HMGXB4: variants seen among roughly 807,000 people sequenced by gnomAD.
The protein encoded by HMGXB4 is HMG domain-containing protein 4.
HMGXB4 carries 27 observed loss-of-function variants against 63.9 expected under a neutral mutation model. The ratio of observed to expected loss-of-function variants is 0.42; its 90% confidence interval spans 0.31 to 0.58. The LOEUF is 0.58. Among genes scored for constraint, HMGXB4 ranks in the 20% least tolerant of loss-of-function variants. The pLI, the probability that HMGXB4 is intolerant of heterozygous loss-of-function variation, is 0.13. For missense variants in HMGXB4, 624 were observed against 700.7 expected (o/e 0.89, Z 1.24); for synonymous variants, 264 against 265.3 (o/e 0.99, Z 0.05).
intron 4 of HMGXB4, 33 bp from the exon 5 acceptor site, chr22:35,264,615 C>G (rs1923070325): frequency 6.8e-7 from 1 of 1,468,256 alleles, no homozygotes; most frequent in Non-Finnish European, 9.2e-7. Flanking sequence ...TGCTTCCCAT[C>G]ATATTGACAG....
intron 10 of HMGXB4, 150 bp from the exon 11 acceptor site, chr22:35,293,457 A>C: frequency 1.6e-6 from 1 of 625,320 alleles, no homozygotes. Context: ...AAAAGTTCCT[A>C]GCATAACAAA....
At chr22:35,262,842 A>G (rs181553597) in intron 2 of HMGXB4, 4 of 559,746 alleles carry the variant, frequency 7.1e-6, no homozygotes, top group East Asian at 3.1e-5. Context: ...GAGGTTGCAC[A>G]TGGGGCCTTT....
intron 1 of HMGXB4, among the ~76,000 whole-genome samples, chr22:35,260,200 T>C (rs1398256596): frequency 6.6e-6 from 1 of 152,230 alleles, no homozygotes; most frequent in African/African-American, 2.4e-5. Flanking sequence ...ATTTATGACA[T>C]TGAATATTTA....
At chr22:35,253,111 G>A (rs553371695), upstream of HMGXB4, among the ~76,000 whole-genome samples, 4 of 102,456 alleles carry the variant, frequency 3.9e-5, no homozygotes, top group South Asian at 8.6e-4. Context: ...CAGCCTGGGC[G>A]ACAAGAGCAA....
chr22:35,269,985 GAGA>G (rs1237479890), intron 5 of HMGXB4, among the ~76,000 whole-genome samples: 2 of 151,304 alleles, frequency 1.3e-5, no homozygotes, highest in Admixed American at 6.6e-5. Flanking sequence ...CTCTTTTAAA[GAGA>G]AGAAGAAAAA....
In HMGXB4 at chr22:35,283,985, C is replaced by T; in HGVS notation, c.1239C>T (p.Ala413=). ...GEKPKKKNMS[A]YQVFCKEYRV... is the part of the protein sequence containing the mutation. ...AGCCAAAAAAGAAGAACATGTCGGC[C>T]TACCAGGTGTTCTGTAAAGAGTATC... is the stretch of plus-strand genomic sequence containing the variant. Residue 413 remains alanine, a synonymous_variant, in exon 6 of 11, where the codon GCC becomes GCT. Coordinates refer to ENST00000216106, the MANE Select transcript of HMGXB4 (RefSeq NM_001003681.3). The T allele has an allele frequency of 6.2e-7, 1 of 1,613,988 alleles. No individual in the cohort carries two copies. The highest frequency in any genetic ancestry group is 8.5e-7 in the Non-Finnish European group (1 of 1,179,848).
intron 5 of HMGXB4, among the ~76,000 whole-genome samples, chr22:35,282,715 G>C (rs1924344281): frequency 6.6e-6 from 1 of 152,144 alleles, no homozygotes. Flanking sequence ...CCTGGGTTGT[G>C]GTTATAACTG....
chr22:35,262,830 C>T (rs939523354), intron 2 of HMGXB4: 3 of 548,226 alleles, frequency 5.5e-6, no homozygotes, highest in Admixed American at 3.5e-5. Flanking sequence ...GAAACCATAT[C>T]TGAGGTTGCA....
chr22:35,257,989 A>T (rs1044375713), intron 1 of HMGXB4: 1 of 151,932 alleles, frequency 6.6e-6, no homozygotes, highest in Non-Finnish European at 1.5e-5. Flanking sequence ...TCGGGCTGTC[A>T]GGGGGAAAGG....
At chr22:35,288,580 A>G (rs897112781) in intron 9 of HMGXB4, among the ~76,000 whole-genome samples, 173 bp downstream of exon 9, 5 of 152,332 alleles carry the variant, frequency 3.3e-5, no homozygotes, top group South Asian at 2.1e-4. Context: ...AGAAATATCT[A>G]TAGAGATATT....
intron 5 of HMGXB4, among the ~76,000 whole-genome samples, chr22:35,274,488 ATGT>A (rs1465297718): frequency 6.6e-6 from 1 of 152,210 alleles, no homozygotes; most frequent in Non-Finnish European, 1.5e-5. Flanking sequence ...AGTTCCTCGT[ATGT>A]TCTAGGCACT....
chr22:35,290,630 C>CA (rs767279436), intron 9 of HMGXB4, among the ~76,000 whole-genome samples: 4,413 of 50,852 alleles, frequency 0.087, 275 homozygotes, highest in East Asian at 0.24. Flanking sequence ...GACTCCGCCT[C>CA]AAAAAAAAAA....
chr22:35,281,330 T>C (rs1447874163), intron 5 of HMGXB4, among the ~76,000 whole-genome samples: 3 of 152,202 alleles, frequency 2.0e-5, no homozygotes, highest in Non-Finnish European at 4.4e-5. Flanking sequence ...AGATCTAGGC[T>C]TCAAAAGCTT....
chr22:35,258,276 A>C (rs1922587298), intron 1 of HMGXB4: 1 of 151,946 alleles, frequency 6.6e-6, no homozygotes, highest in African/African-American at 2.4e-5. Context: ...TTTTCCCTCC[A>C]CCAACTACTA....
At chr22:35,271,946 T>A (rs1029047560) in intron 5 of HMGXB4, among the ~76,000 whole-genome samples, 1 of 152,244 alleles carries the variant, frequency 6.6e-6, no homozygotes, top group African/African-American at 2.4e-5. Context: ...GAGAACTTTG[T>A]CTTTGCACAA....
chr22:35,267,337 G>C (rs145345863), intron 5 of HMGXB4, among the ~76,000 whole-genome samples: 44 of 152,188 alleles, frequency 2.9e-4, no homozygotes, highest in African/African-American at 1.0e-3. Flanking sequence ...TAAACACTAT[G>C]TGTTCTTTAT....
At chr22:35,266,208 A>G (rs1379833349) in intron 5 of HMGXB4, among the ~76,000 whole-genome samples, 4 of 152,214 alleles carry the variant, frequency 2.6e-5, no homozygotes, top group African/African-American at 9.6e-5. Flanking sequence ...TCTTTCACTT[A>G]GCATCACTGT....
chr22:35,245,027 C>T, the HMGXB4 span, among the ~76,000 whole-genome samples: 1 of 152,168 alleles, frequency 6.6e-6, no homozygotes, highest in East Asian at 1.9e-4. Context: ...TGCCCGCCAC[C>T]ACGCCCGGCT....
intron 10 of HMGXB4, 71 bp from the exon 11 acceptor site, chr22:35,293,536 G>T: frequency 2.9e-6 from 3 of 1,025,354 alleles, no homozygotes; most frequent in South Asian, 2.7e-5. Flanking sequence ...CTCTCTCCTT[G>T]AACAAAGAAA....
Sources: gnomAD v4.1 joint callset for allele counts (sites outside exome capture counted in the v4.1 genomes callset) on GRCh38, gnomAD v4.1.1 for gene constraint, MANE v1.5 for transcripts, NCBI Gene and HGNC (gene_info 2026-07-23, HGNC 2026-07-21) for gene names.